PTBP3: variants seen among roughly 807,000 people sequenced by gnomAD.
PTBP3 encodes the protein polypyrimidine tract-binding protein 3.
A neutral mutation model predicts 58.7 loss-of-function variants in PTBP3; 20 were observed. That is an observed-to-expected ratio of 0.34 (90% CI 0.24 to 0.50). PTBP3 has a LOEUF of 0.50. Among genes scored for constraint, PTBP3 ranks in the 20% least tolerant of loss-of-function variants. The probability of loss-of-function intolerance (pLI) is 0.98; values close to 1 mark genes in which losing one functional copy is unlikely to be tolerated. For synonymous variants in PTBP3, 185 were observed against 219.8 expected, an observed-to-expected ratio of 0.84 and a Z score of 1.40; for missense variants, 509 against 637.2, an observed-to-expected ratio of 0.80 and a Z score of 2.17.
At chr9:112,280,344 C>T (rs570704206) in intron 2 of PTBP3, among the ~76,000 whole-genome samples, 8 of 147,900 alleles carry the variant, frequency 5.4e-5, no homozygotes, top group African/African-American at 1.7e-4. Flanking sequence ...CATGAGCCAC[C>T]GTGCCTGGGC....
intron 7 of PTBP3, among the ~76,000 whole-genome samples, chr9:112,248,855 T>C (rs372389280): frequency 6.6e-6 from 1 of 152,168 alleles, no homozygotes; most frequent in African/African-American, 2.4e-5. Context: ...AACCAAACTA[T>C]TTATCAACAA....
intron 1 of PTBP3, among the ~76,000 whole-genome samples, chr9:112,314,635 C>A (rs530686508): frequency 3.1e-4 from 47 of 152,188 alleles, no homozygotes; most frequent in Non-Finnish European, 4.4e-4. Context: ...AGAGCCTGGG[C>A]TAGAGAGCGA....
intron 1 of PTBP3, among the ~76,000 whole-genome samples, chr9:112,303,993 C>G (rs1829060020): frequency 6.6e-6 from 1 of 151,964 alleles, no homozygotes; most frequent in African/African-American, 2.4e-5. Flanking sequence ...ACAGTGAAAC[C>G]CTGTCTCTGC....
At chr9:112,252,812 T>G in intron 5 of PTBP3, 24 bp from the exon 6 acceptor site, 1 of 1,327,536 alleles carries the variant, frequency 7.5e-7, no homozygotes, top group Non-Finnish European at 1.1e-6. Context: ...CACATTAGGT[T>G]AAATGTAAAA....
intron 2 of PTBP3, 56 bp from the exon 3 acceptor site, chr9:112,276,069 T>C: frequency 6.9e-7 from 1 of 1,458,424 alleles, no homozygotes; most frequent in Non-Finnish European, 9.6e-7. Flanking sequence ...GTTGACATAC[T>C]ACATTAATCA....
upstream of PTBP3, among the ~76,000 whole-genome samples, chr9:112,335,543 CA>C (rs1830565893): frequency 6.6e-6 from 1 of 150,778 alleles, no homozygotes; most frequent in Admixed American, 6.6e-5. Flanking sequence ...CTCAGCCTCC[CA>C]AAGTGCTGGG....
the PTBP3 span, among the ~76,000 whole-genome samples, chr9:112,350,053 T>C: frequency 6.6e-6 from 1 of 151,940 alleles, no homozygotes; most frequent in African/African-American, 2.4e-5. Context: ...TTTTTAAATT[T>C]ATGTACCATT....
rs1834871700 is a variant in PTBP3 at position 112,223,503 on chromosome 9, ATGT to A, written c.*345_*347del. ...TTTAAAAGTACAAATGAGTTTAGAAATGTTGTATAAGGCTGATCTGGACCCAAA... is the reference window on the plus strand; with the variant it reads ...TTTAAAAGTACAAATGAGTTTAGAAATGTATAAGGCTGATCTGGACCCAAA... On this transcript the variant is annotated 3_prime_UTR_variant, in exon 14 of 14. Transcript: ENST00000374257. The A allele has an allele frequency of 6.5e-6, 6 of 920,446 alleles. No individual in the cohort carries two copies. Among genetic ancestry groups the A allele is most frequent in the Non-Finnish European group, 7.8e-6 (6 of 765,388 alleles). The allele number at this position is 920,446 out of a possible 1,614,324, so 57.0% of individuals were successfully genotyped here.
chr9:112,337,384 A>C (rs1266367081), upstream of PTBP3, among the ~76,000 whole-genome samples: 1 of 152,212 alleles, frequency 6.6e-6, no homozygotes, highest in Non-Finnish European at 1.5e-5. Flanking sequence ...CTTTGATTCA[A>C]AAATAGTAGG....
chr9:112,362,394 T>C, the PTBP3 span, among the ~76,000 whole-genome samples: 62 of 152,246 alleles, frequency 4.1e-4, no homozygotes, highest in Non-Finnish European at 8.1e-4. Context: ...TCTGTGTATA[T>C]ATTGGACACT....
chr9:112,353,620 T>A, the PTBP3 span, among the ~76,000 whole-genome samples: 1 of 152,180 alleles, frequency 6.6e-6, no homozygotes, highest in Non-Finnish European at 1.5e-5. Context: ...GAAGTTAGCC[T>A]TCTGTGCTAA....
In PTBP3 at chr9:112,268,152, A is replaced by C. The variant is rs1589843899; in HGVS notation, c.248T>G (p.Val83Gly). The C allele has an allele frequency of 1.2e-6, 2 of 1,613,084 alleles. No individual in the cohort carries two copies. Among genetic ancestry groups the C allele is most frequent in the Non-Finnish European group, 1.7e-6 (2 of 1,179,710 alleles). Residue 83 changes from valine to glycine, a missense_variant, in exon 4 of 14, where the codon GTG (valine) becomes GGG (glycine). By Grantham distance (109) the Val-to-Gly change is moderately radical. Coordinates refer to ENST00000374257, the MANE Select transcript of PTBP3 (RefSeq NM_001163788.4). The part of the protein sequence containing the change: ...MASEEAAVTM[V>G]NYYTPITPHL... ...AGGAGTAATAGGAGTGTAATAATTC[A>C]CCATAGTAACGGCAGCTTCCTCAGA...
intron 3 of PTBP3, among the ~76,000 whole-genome samples, chr9:112,274,162 AG>A: frequency 6.6e-6 from 1 of 152,348 alleles, no homozygotes; most frequent in Non-Finnish European, 1.5e-5. Context: ...CCAAATATTA[AG>A]GCATGTTACT....
chr9:112,326,277 T>C (rs1830153358), intron 1 of PTBP3, among the ~76,000 whole-genome samples: 2 of 152,234 alleles, frequency 1.3e-5, no homozygotes, highest in African/African-American at 4.8e-5. Context: ...ACATTTCCTA[T>C]AGCTCAAGCA....
chr9:112,265,133 G>A (rs1226168834), intron 4 of PTBP3, among the ~76,000 whole-genome samples: 1 of 151,330 alleles, frequency 6.6e-6, no homozygotes, highest in Non-Finnish European at 1.5e-5. Flanking sequence ...AAATTTATCT[G>A]AAGAAATACG....
intron 1 of PTBP3, chr9:112,333,036 C>T: frequency 1.6e-6 from 2 of 1,272,636 alleles, no homozygotes; most frequent in South Asian, 2.9e-5. Context: ...CGCCGGTAAA[C>T]AGCAACTCCC....
upstream of PTBP3, chr9:112,333,625 C>T (rs2132508568): frequency 1.1e-6 from 1 of 883,488 alleles, no homozygotes; most frequent in Non-Finnish European, 1.7e-6. Flanking sequence ...AGAGTGGGAA[C>T]AGGGGCGGGG....
intron 1 of PTBP3, among the ~76,000 whole-genome samples, chr9:112,316,882 A>C (rs2132418538): frequency 6.6e-6 from 1 of 152,090 alleles, no homozygotes; most frequent in East Asian, 1.9e-4. Context: ...TGAGGCAGGA[A>C]AATCGCTTGA....
chr9:112,251,440 A>C, intron 6 of PTBP3, among the ~76,000 whole-genome samples: 1 of 152,196 alleles, frequency 6.6e-6, no homozygotes, highest in East Asian at 1.9e-4. Flanking sequence ...GCCTATATCA[A>C]AAGTTTTAAG....
Sources: gnomAD v4.1 joint callset for allele counts (sites outside exome capture counted in the v4.1 genomes callset) on GRCh38, gnomAD v4.1.1 for gene constraint, MANE v1.5 for transcripts, NCBI Gene and HGNC (gene_info 2026-07-23, HGNC 2026-07-21) for gene names.